C9orf50: variants seen among roughly 807,000 people sequenced by gnomAD.
The protein encoded by C9orf50 is uncharacterized protein C9orf50.
A neutral mutation model predicts 42.5 loss-of-function variants in C9orf50; 33 were observed. The observed-to-expected ratio is 0.78, with a 90% confidence interval of 0.59 to 1.04. The LOEUF (loss-of-function observed/expected upper bound fraction) is 1.04. Ranked by LOEUF, C9orf50 falls within the 50% of genes least tolerant of loss-of-function variation. The pLI, the probability that C9orf50 is intolerant of heterozygous loss-of-function variation, is 0.00. For missense variants in C9orf50, 547 were observed against 594.3 expected, an observed-to-expected ratio of 0.92 and a Z score of 0.83; for synonymous variants, 257 against 273.4, an observed-to-expected ratio of 0.94 and a Z score of 0.59.
At chr9:129,612,297 C>T (rs1167187968) in exon 7 of C9orf50, 1 of 1,484,324 alleles carries the variant, frequency 6.7e-7, no homozygotes, top group Non-Finnish European at 9.3e-7. Flanking sequence ...AGGAAGGACG[C>T]TCCTCATTGC....
chr9:129,617,759 C>G (rs1830465486), intron 3 of C9orf50, among the ~76,000 whole-genome samples: 1 of 152,186 alleles, frequency 6.6e-6, no homozygotes, highest in Admixed American at 6.5e-5. Flanking sequence ...TCTTGGCTCA[C>G]TGCAGCCTCA....
rs769519161 is a variant in C9orf50 at position 129,613,619 on chromosome 9, G to A, written c.881-22C>T. 1.3e-5 allele frequency: 21 copies of A among 1,613,624 alleles called. No homozygotes were observed. The highest frequency in any genetic ancestry group is 1.6e-5 in the Non-Finnish European group (19 of 1,179,874). ...TGGACTGCAGGAAAGAGGGCAGGGT[G>A]AGATCTCTGCCCAGGAGGAGGGCAC... On this transcript the variant is annotated intron_variant, in intron 4 of 6. Coordinates refer to ENST00000372478, the Ensembl canonical transcript of C9orf50. This position sits in a 1 kb window ranked among gnomAD's most constrained non-coding sequence, Gnocchi z 6.2.
intron 3 of C9orf50, among the ~76,000 whole-genome samples, chr9:129,617,409 A>T (rs1830445310): frequency 6.6e-6 from 1 of 152,212 alleles, no homozygotes. Context: ...ACCTGCCTGA[A>T]ATCTCAGCAT....
rs1830179673 is a variant in C9orf50 at position 129,613,352 on chromosome 9, G to C, written c.1043+83C>G. ...GACCCACACTGGCAACCCGCCTGCTGCTGGGTGGGGAGGTCTGTAGGCAAG... is the reference window on the plus strand; with the variant it reads ...GACCCACACTGGCAACCCGCCTGCTCCTGGGTGGGGAGGTCTGTAGGCAAG... On this transcript the variant is annotated intron_variant, in intron 5 of 6. Coordinates refer to ENST00000372478, the Ensembl canonical transcript of C9orf50. The surrounding 1 kb of genome is among the most constrained non-coding windows in gnomAD (Gnocchi z 6.2). 2 of 1,573,976 alleles carry C rather than the reference G, an allele frequency of 1.3e-6. No individual in the cohort carries two copies.
chr9:129,615,714 C>A, intron 3 of C9orf50, 67 bp from the exon 4 acceptor site: 1 of 1,449,202 alleles, frequency 6.9e-7, no homozygotes, highest in South Asian at 1.4e-5. Flanking sequence ...CGCACCAGCC[C>A]CAGACTCGCT....
At chr9:129,612,990 T>G in intron 6 of C9orf50, 117 bp downstream of exon 6, 1 of 1,340,532 alleles carries the variant, frequency 7.5e-7, no homozygotes, top group Non-Finnish European at 1.0e-6. Flanking sequence ...GTGACTTGGC[T>G]CTCAGGGAGG....
chr9:129,619,357 A>G (rs1378559837), intron 3 of C9orf50, among the ~76,000 whole-genome samples, 163 bp downstream of exon 3: 1 of 152,184 alleles, frequency 6.6e-6, no homozygotes, highest in African/African-American at 2.4e-5. Context: ...TGAATCTTGA[A>G]TGGGTTGGTA....
rs1462943637 is a variant in C9orf50, at chr9:129,614,838, C to A, written c.880+646G>T. 6.6e-6 allele frequency among the ~76,000 whole-genome samples: 1 copy of A among 151,952 alleles called. No homozygotes were observed. Among genetic ancestry groups the A allele is most frequent in the Non-Finnish European group, 1.5e-5 (1 of 68,004 alleles). On this transcript the variant is annotated intron_variant, in intron 4 of 6. Transcript: ENST00000372478. This position sits in a 1 kb window ranked among gnomAD's most constrained non-coding sequence, Gnocchi z 4.4. ...AATGGCATGAACCCGGGAGGTGGAG[C>A]TTGCAGCGAGCCGAGATCGCGCCAC...
Position 129,613,155 on chromosome 9 carries a change from C to A in C9orf50, c.1140G>T (p.Pro380=). 1 of 1,613,814 alleles carries A rather than the reference C, an allele frequency of 6.2e-7. No homozygotes were observed. Among genetic ancestry groups the A allele is most frequent in the Non-Finnish European group, 8.5e-7 (1 of 1,180,012 alleles). ...CCAAGAAGGCTCGGAGGCTGCTTCG[C>A]GGCCTCTGAGCAGCGGCCTTCTTCC... is the stretch of plus-strand genomic sequence containing the variant. The change falls in exon 6 of 7, where the codon CCG becomes CCT. Residue 380 remains proline, a synonymous_variant. Transcript: ENST00000372478. This position sits in a 1 kb window ranked among gnomAD's most constrained non-coding sequence, Gnocchi z 6.2.
At position 129,616,464 on chromosome 9, in the gene C9orf50, C is replaced by G. The variant is rs375046312; in HGVS notation, c.717-817G>C. 2.8e-3 allele frequency among the ~76,000 whole-genome samples: 428 copies of G among 152,282 alleles called. 3 individuals are homozygous for G. Among genetic ancestry groups the G allele is most frequent in the African/African-American group, 9.6e-3 (398 of 41,560 alleles). On this transcript the variant is annotated intron_variant, in intron 3 of 6. Coordinates refer to ENST00000372478, the Ensembl canonical transcript of C9orf50. Reference sequence around the variant, plus strand: ...CGCCTGACCTCAAGTGATCCACCCCCCTTCGCCTTCCTAAGTGCTGGGATC... The same window carrying G: ...CGCCTGACCTCAAGTGATCCACCCCGCTTCGCCTTCCTAAGTGCTGGGATC...
At chr9:129,615,403 T>A in intron 4 of C9orf50, 81 bp downstream of exon 4, 1 of 1,424,696 alleles carries the variant, frequency 7.0e-7, no homozygotes, top group Non-Finnish European at 9.3e-7. Flanking sequence ...TCCCTCACTC[T>A]AGGGGCCCGG....
At position 129,620,569 on chromosome 9, in the gene C9orf50, G is replaced by A. The variant is rs769938581; in HGVS notation, c.6C>T (p.Phe2=). ...GGGCCCCTGGGCGAAGTCGACGCCA[G>A]AACATGCTTGGCCCCGCACTCAGCT... The change falls in exon 1 of 7, where the codon TTC becomes TTT. Residue 2 remains phenylalanine, a synonymous_variant. Coordinates refer to ENST00000372478, the Ensembl canonical transcript of C9orf50. The surrounding 1 kb of genome is among the most constrained non-coding windows in gnomAD (Gnocchi z 5.8). The A allele has an allele frequency of 1.5e-6, 2 of 1,367,690 alleles. No individual in the cohort carries two copies. Among genetic ancestry groups the A allele is most frequent in the Non-Finnish European group, 1.9e-6 (2 of 1,058,742 alleles). The allele number at this position is 1,367,690 out of a possible 1,614,324, so 84.7% of individuals were successfully genotyped here. A position where few individuals can be genotyped will look rare whatever the true frequency, so the allele number is the denominator to read the frequency against.
Position 129,620,289 on chromosome 9 carries a change from GCCC to G in C9orf50, c.283_285del (p.Gly95del). The G allele has an allele frequency of 2.4e-6, 3 of 1,266,470 alleles. No homozygotes were observed. The highest frequency in any genetic ancestry group is 3.0e-6 in the Non-Finnish European group (3 of 1,003,074). 78.5% of individuals were successfully genotyped at this position (1,266,470 alleles called of 1,614,324 possible). ...GGAGGCGGCAGCAGGGACCGCAGCA[GCCC>G]CCGCTTCCGCACGGCCCGCCGGGTC... On this transcript the variant is annotated inframe_deletion, in exon 1 of 7. Transcript: ENST00000372478. This position sits in a 1 kb window ranked among gnomAD's most constrained non-coding sequence, Gnocchi z 5.8.
Position 129,612,994 on chromosome 9 carries a change from A to G in C9orf50, c.1188+113T>C. 13 of 1,376,672 alleles carry G rather than the reference A, an allele frequency of 9.4e-6. No homozygotes were observed. In the South Asian group the frequency reaches 1.3e-4, roughly 13 times the overall value. The allele number at this position is 1,376,672 out of a possible 1,614,324, so 85.3% of individuals were successfully genotyped here. ...AAGCCCCCACGGTGACTTGGCTCTC[A>G]GGGAGGGTCCACTCCCAGCCCCAGC... On this transcript the variant is annotated intron_variant, in intron 6 of 6. Coordinates refer to ENST00000372478, the Ensembl canonical transcript of C9orf50.
At position 129,613,733 on chromosome 9, in the gene C9orf50, C is replaced by T. The variant is rs1476073256; in HGVS notation, c.881-136G>A. On this transcript the variant is annotated intron_variant, in intron 4 of 6. Transcript: ENST00000372478. The surrounding 1 kb of genome is among the most constrained non-coding windows in gnomAD (Gnocchi z 6.2). ...GCAACCCCAGGCTCCCCAGCGCCTT[C>T]TGGCTGCCTCCAGAGAAGCCTTGGG... is the stretch of plus-strand genomic sequence containing the variant. The T allele has an allele frequency of 9.1e-7, 1 of 1,094,120 alleles. No homozygotes were observed. Among genetic ancestry groups the T allele is most frequent in the Non-Finnish European group, 1.3e-6 (1 of 768,550 alleles). The allele number at this position is 1,094,120 out of a possible 1,614,324, so 67.8% of individuals were successfully genotyped here. A position where few individuals can be genotyped will look rare whatever the true frequency, so the allele number is the denominator to read the frequency against.
chr9:129,613,728 G>A lies in C9orf50; in HGVS notation c.881-131C>T, dbSNP rs1369774759. On this transcript the variant is annotated intron_variant, in intron 4 of 6. Coordinates refer to ENST00000372478, the Ensembl canonical transcript of C9orf50. This position sits in a 1 kb window ranked among gnomAD's most constrained non-coding sequence, Gnocchi z 6.2. ...CCATGGCAACCCCAGGCTCCCCAGC[G>A]CCTTCTGGCTGCCTCCAGAGAAGCC... 7.3e-5 allele frequency: 85 copies of A among 1,157,122 alleles called. No homozygotes were observed. The highest frequency in any genetic ancestry group is 4.0e-5 in the Non-Finnish European group (33 of 824,000). The allele number at this position is 1,157,122 out of a possible 1,614,324, so 71.7% of individuals were successfully genotyped here.
chr9:129,619,572 C>G (rs1202708654), exon 3 of C9orf50: 1 of 1,613,984 alleles, frequency 6.2e-7, no homozygotes, highest in East Asian at 2.2e-5. Context: ...TTCAGGGGCC[C>G]CAGAATAGGT....
chr9:129,613,617 G>A lies in C9orf50; in HGVS notation c.881-20C>T. 1.1e-5 allele frequency: 17 copies of A among 1,613,868 alleles called. No homozygotes were observed. The highest frequency in any genetic ancestry group is 1.3e-5 in the Non-Finnish European group (15 of 1,179,950). On this transcript the variant is annotated intron_variant, in intron 4 of 6. Transcript: ENST00000372478. This position sits in a 1 kb window ranked among gnomAD's most constrained non-coding sequence, Gnocchi z 6.2. ...GTTGGACTGCAGGAAAGAGGGCAGG[G>A]TGAGATCTCTGCCCAGGAGGAGGGC...
intron 3 of C9orf50, among the ~76,000 whole-genome samples, chr9:129,617,776 C>T (rs187452914): frequency 1.2e-4 from 19 of 152,216 alleles, no homozygotes; most frequent in Admixed American, 9.8e-4. Flanking sequence ...CTCAACCTCC[C>T]AGGCTCAAGC....
Sources: gnomAD v4.1 joint callset for allele counts (sites outside exome capture counted in the v4.1 genomes callset) on GRCh38, gnomAD v4.1.1 for gene constraint, Gnocchi (gnomAD v3.1) non-coding constraint, MANE v1.5 for transcripts, NCBI Gene and HGNC (gene_info 2026-07-23, HGNC 2026-07-21) for gene names.